The following SPRING1 variants were observed in gnomAD, a reference collection of about 807,000 sequenced individuals.
SPRING1 encodes the protein SREBF pathway regulator in golgi 1, also known as SREBP regulating gene protein.
A neutral mutation model predicts 24.7 loss-of-function variants in SPRING1; 14 were observed. The ratio of observed to expected loss-of-function variants is 0.57; its 90% CI spans 0.37 to 0.88. SPRING1 has a LOEUF of 0.88. Among genes scored for constraint, SPRING1 ranks in the 40% least tolerant of loss-of-function variants. The pLI, the probability that SPRING1 is intolerant of heterozygous loss-of-function variation, is 0.00. For missense variants in SPRING1, 255 were observed against 268.4 expected (o/e 0.95, Z 0.35); for synonymous variants, 93 against 106.1 (o/e 0.88, Z 0.76).
chr12:116,732,366 AG>A (rs1363078635), intron 1 of SPRING1, among the ~76,000 whole-genome samples: 1 of 152,178 alleles, frequency 6.6e-6, no homozygotes, highest in African/African-American at 2.4e-5. Flanking sequence ...GTTTAAGCTC[AG>A]GGGTTCAATA....
rs547035999 is a variant in SPRING1, at chr12:116,712,962, A to G, written c.*4848T>C. On this transcript the variant is annotated 3_prime_UTR_variant, in exon 5 of 5. Transcript: ENST00000261318. ...AGCAGGGTAGAAAGCAAGGGCGGGGAAAAATAATGAAGTCAGCACTCAGCT... is the reference window on the plus strand; with the variant it reads ...AGCAGGGTAGAAAGCAAGGGCGGGGGAAAATAATGAAGTCAGCACTCAGCT... The G allele has an allele frequency of 6.5e-6, 1 of 152,680 alleles. No homozygotes were observed. 9.5% of individuals were successfully genotyped at this position (152,680 alleles called of 1,614,324 possible).
In SPRING1 at chr12:116,717,480, G is replaced by A. The variant is rs148829501; in HGVS notation, c.*330C>T. The A allele has an allele frequency of 4.2e-4, 92 of 219,038 alleles. No individual in the cohort carries two copies. Among genetic ancestry groups the A allele is most frequent in the Admixed American group, 6.3e-4 (11 of 17,336 alleles). 13.6% of individuals were successfully genotyped at this position (219,038 alleles called of 1,614,324 possible). A position where few individuals can be genotyped will look rare whatever the true frequency, so the allele number is the denominator to read the frequency against. On this transcript the variant is annotated 3_prime_UTR_variant, in exon 5 of 5. Transcript: ENST00000261318. This position sits in a 1 kb window ranked among gnomAD's most constrained non-coding sequence, Gnocchi z 4.2. ...AAAACTGGAAGTGACACCGGCCCCC[G>A]ATGAACACAAGTCACAGGTCCCTGT...
chr12:116,724,897 G>T (rs1413650818), intron 1 of SPRING1, among the ~76,000 whole-genome samples: 1 of 152,196 alleles, frequency 6.6e-6, no homozygotes, highest in Non-Finnish European at 1.5e-5. Flanking sequence ...AATCTGTGGA[G>T]ACCTGGGAAT....
intron 1 of SPRING1, among the ~76,000 whole-genome samples, chr12:116,731,989 C>T (rs542455566): frequency 1.3e-5 from 2 of 152,284 alleles, no homozygotes; most frequent in Admixed American, 6.5e-5. Flanking sequence ...ACACAGCCAC[C>T]CTCCTTCCAA....
chr12:116,725,640 C>A (rs151170881), intron 1 of SPRING1, among the ~76,000 whole-genome samples: 2,784 of 152,316 alleles, frequency 0.018, 151 homozygotes, highest in East Asian at 0.17. Flanking sequence ...AATCCCAACA[C>A]TTTGGGAGGC....
chr12:116,716,264 A>G lies in SPRING1; in HGVS notation c.*1546T>C, dbSNP rs1378619267. 2 of 152,214 alleles carry G rather than the reference A, an allele frequency of 1.3e-5. No homozygotes were observed. Among genetic ancestry groups the G allele is most frequent in the Non-Finnish European group, 2.9e-5 (2 of 68,032 alleles). 9.4% of individuals were successfully genotyped at this position (152,214 alleles called of 1,614,324 possible). A position where few individuals can be genotyped will look rare whatever the true frequency, so the allele number is the denominator to read the frequency against. ...AGGCAAATAATTTGGGGAGATGAGT[A>G]TAAGAGGTAGTAGGAGGAAGCTAAG... On this transcript the variant is annotated 3_prime_UTR_variant, in exon 5 of 5. Transcript: ENST00000261318.
At chr12:116,732,968 C>T (rs1273196336) in intron 1 of SPRING1, among the ~76,000 whole-genome samples, 1 of 152,208 alleles carries the variant, frequency 6.6e-6, no homozygotes, top group Non-Finnish European at 1.5e-5. Flanking sequence ...AGATGCACAA[C>T]AGTCAAATTA....
intron 4 of SPRING1, among the ~76,000 whole-genome samples, chr12:116,719,034 C>T (rs1044621645): frequency 2.6e-5 from 4 of 152,128 alleles, no homozygotes; most frequent in Admixed American, 6.5e-5. Flanking sequence ...TTATCTCAGA[C>T]GAAGCCAGTA....
intron 4 of SPRING1, among the ~76,000 whole-genome samples, chr12:116,718,139 T>A (rs569231426): frequency 6.6e-6 from 1 of 152,336 alleles, no homozygotes; most frequent in East Asian, 1.9e-4. Context: ...TCTTTTTATG[T>A]ACACCAGTGA....
At position 116,711,031 on chromosome 12, in the gene SPRING1, A is replaced by G. The variant is rs1182771465; in HGVS notation, c.*6779T>C. ...TACACACACACACACACACACACGC[A>G]CACACAGAGCCAATGTATGGAAACA... On this transcript the variant is annotated 3_prime_UTR_variant, in exon 5 of 5. Transcript: ENST00000261318. 2.0e-5 allele frequency: 3 copies of G among 147,868 alleles called. No homozygotes were observed. The highest frequency in any genetic ancestry group is 6.7e-5 in the Admixed American group (1 of 14,988). 9.2% of individuals were successfully genotyped at this position (147,868 alleles called of 1,614,324 possible). A position where few individuals can be genotyped will look rare whatever the true frequency, so the allele number is the denominator to read the frequency against.
At chr12:116,733,948 C>G (rs1871114046) in intron 1 of SPRING1, among the ~76,000 whole-genome samples, 1 of 152,208 alleles carries the variant, frequency 6.6e-6, no homozygotes, top group Non-Finnish European at 1.5e-5. Flanking sequence ...GTGATCTCGG[C>G]TCACTGCAAC....
intron 2 of SPRING1, among the ~76,000 whole-genome samples, chr12:116,721,226 T>C (rs1417048142): frequency 6.6e-6 from 1 of 152,216 alleles, no homozygotes; most frequent in East Asian, 1.9e-4. Flanking sequence ...CTCTACATCC[T>C]TCTGGGAATG....
intron 1 of SPRING1, among the ~76,000 whole-genome samples, chr12:116,724,596 G>A (rs1870594789): frequency 6.6e-6 from 1 of 152,040 alleles, no homozygotes; most frequent in African/African-American, 2.4e-5. Flanking sequence ...AGAATTGCAT[G>A]AACCCAGAAG....
Position 116,715,886 on chromosome 12 carries a change from T to TCC in SPRING1, c.*1923_*1924insGG, listed in dbSNP as rs1411404813. 6.6e-6 allele frequency: 1 copy of TCC among 152,234 alleles called. No homozygotes were observed. 9.4% of individuals were successfully genotyped at this position (152,234 alleles called of 1,614,324 possible). A position where few individuals can be genotyped will look rare whatever the true frequency, so the allele number is the denominator to read the frequency against. On this transcript the variant is annotated 3_prime_UTR_variant, in exon 5 of 5. Transcript: ENST00000261318. ...GGACTGGAAATGTAAAATGCGCTCTTCAAGTACAAAGGCAGAGAGGATCCA... is the reference window on the plus strand; with the variant it reads ...GGACTGGAAATGTAAAATGCGCTCTTCCCAAGTACAAAGGCAGAGAGGATCCA...
In SPRING1 at chr12:116,737,934, G is replaced by C; in HGVS notation, c.-34C>G. The C allele has an allele frequency of 7.0e-7, 1 of 1,436,094 alleles. No homozygotes were observed. The highest frequency in any genetic ancestry group is 9.1e-7 in the Non-Finnish European group (1 of 1,093,028). The allele number at this position is 1,436,094 out of a possible 1,614,324, so 89.0% of individuals were successfully genotyped here. A position where few individuals can be genotyped will look rare whatever the true frequency, so the allele number is the denominator to read the frequency against. ...GGACGTGGGGCGCGGCGGCCGGGGC[G>C]CGGAACGCGGCAGGCCCGGGTCCCG... On this transcript the variant is annotated 5_prime_UTR_variant, in exon 1 of 5. Transcript: ENST00000261318.
chr12:116,722,565 T>C (rs1870484917), intron 2 of SPRING1, among the ~76,000 whole-genome samples: 1 of 152,246 alleles, frequency 6.6e-6, no homozygotes, highest in South Asian at 2.1e-4. Context: ...GATTTGCTTT[T>C]TCAATGTGAT....
At chr12:116,737,407 G>A (rs940807423) in intron 1 of SPRING1, among the ~76,000 whole-genome samples, 2 of 151,562 alleles carry the variant, frequency 1.3e-5, no homozygotes, top group East Asian at 3.9e-4. Flanking sequence ...GAAGGGAGAG[G>A]GGGACAGAAA....
chr12:116,721,515 T>TAAAA (rs1870434470), intron 2 of SPRING1, among the ~76,000 whole-genome samples: 1 of 152,222 alleles, frequency 6.6e-6, no homozygotes, highest in African/African-American at 2.4e-5. Flanking sequence ...AAAAGGGCCC[T>TAAAA]CACTTAAGAC....
At chr12:116,732,203 G>A (rs1871008570) in intron 1 of SPRING1, among the ~76,000 whole-genome samples, 1 of 152,222 alleles carries the variant, frequency 6.6e-6, no homozygotes, top group African/African-American at 2.4e-5. Flanking sequence ...CATAGACCCA[G>A]TGCTGACAAG....
Sources: gnomAD v4.1 joint callset for allele counts (sites outside exome capture counted in the v4.1 genomes callset) on GRCh38, gnomAD v4.1.1 for gene constraint, Gnocchi (gnomAD v3.1) non-coding constraint, MANE v1.5 for transcripts, NCBI Gene and HGNC (gene_info 2026-07-23, HGNC 2026-07-21) for gene names.